The following KAZN variants were observed in gnomAD, a reference collection of about 807,000 sequenced individuals.
KAZN encodes kazrin, periplakin interacting protein.
Under a neutral mutation model 87.4 loss-of-function variants are expected in KAZN, and 40 were observed. The observed-to-expected ratio is 0.46, with a 90% CI of 0.36 to 0.60. KAZN has a LOEUF of 0.60. Among genes scored for constraint, KAZN ranks in the 20% least tolerant of loss-of-function variants. The probability of loss-of-function intolerance (pLI) is 0.00; values close to 1 mark genes in which losing one functional copy is unlikely to be tolerated. For synonymous variants in KAZN, 466 were observed against 458.3 expected (o/e 1.02, Z -0.22); for missense variants, 898 against 1,073.9 (o/e 0.84, Z 2.29).
At chr1:14,580,008 G>C (rs1300587395) in intron 2 of KAZN, among the ~76,000 whole-genome samples, 1 of 152,154 alleles carries the variant, frequency 6.6e-6, no homozygotes, top group Non-Finnish European at 1.5e-5. Flanking sequence ...TTTAATTTCT[G>C]AGTAAGGGAT....
intron 2 of KAZN, among the ~76,000 whole-genome samples, chr1:14,575,096 A>C (rs941591349): frequency 7.2e-5 from 11 of 152,140 alleles, no homozygotes; most frequent in African/African-American, 2.2e-4. Flanking sequence ...TTAATCCTAA[A>C]GATATTAAGG....
intron 2 of KAZN, among the ~76,000 whole-genome samples, chr1:14,277,650 A>G (rs1652483271): frequency 1.3e-5 from 2 of 149,034 alleles, no homozygotes; most frequent in Admixed American, 1.3e-4. Context: ...TGACAGAGCG[A>G]GACTCCCTCT....
chr1:14,634,242 C>T (rs1389076742), intron 1 of KAZN, among the ~76,000 whole-genome samples: 5 of 152,170 alleles, frequency 3.3e-5, no homozygotes, highest in Non-Finnish European at 7.3e-5. Context: ...TATTCCTTCC[C>T]CAAGAACCCT....
intron 2 of KAZN, among the ~76,000 whole-genome samples, chr1:14,313,455 CTTATATGTT>C (rs1331342306): frequency 2.0e-5 from 3 of 152,138 alleles, no homozygotes; most frequent in Non-Finnish European, 4.4e-5. Context: ...ATCCTGTGTA[CTTATATGTT>C]TAACTTTTCC....
chr1:14,895,829 G>A (rs975059118), intron 1 of KAZN, among the ~76,000 whole-genome samples: 1 of 152,176 alleles, frequency 6.6e-6, no homozygotes, highest in Non-Finnish European at 1.5e-5. Context: ...AAGGTGTATA[G>A]TTAGGTCAGT....
chr1:14,661,003 A>T (rs752639180), intron 1 of KAZN, among the ~76,000 whole-genome samples: 36 of 152,264 alleles, frequency 2.4e-4, no homozygotes, highest in Non-Finnish European at 4.6e-4. Flanking sequence ...AACGTCACTG[A>T]TTAAGAGGCC....
intron 1 of KAZN, among the ~76,000 whole-genome samples, chr1:14,020,838 T>G (rs1042693930): frequency 2.6e-5 from 4 of 152,134 alleles, no homozygotes; most frequent in Non-Finnish European, 5.9e-5. Context: ...CTCAAAACAG[T>G]AGGATATTTT....
intron 2 of KAZN, among the ~76,000 whole-genome samples, chr1:14,496,504 A>G (rs1311959169): frequency 6.6e-6 from 1 of 152,202 alleles, no homozygotes; most frequent in Non-Finnish European, 1.5e-5. Flanking sequence ...GCCAGAGAAA[A>G]AAGGTGTTTC....
chr1:14,049,825 G>C (rs1642234913), intron 1 of KAZN, among the ~76,000 whole-genome samples: 1 of 152,184 alleles, frequency 6.6e-6, no homozygotes, highest in East Asian at 1.9e-4. Context: ...TCTCATGATA[G>C]ACAAGAAGCC....
At position 14,467,281 on chromosome 1, in the gene KAZN, C is replaced by T. The variant is rs1185125522; in HGVS notation, c.250-131702C>T. ...AATTAGATTGTTTTAAGTTAAGATGCTAATTGCAATCCCCAGGGCAACCAC... is the reference window on the plus strand; with the variant it reads ...AATTAGATTGTTTTAAGTTAAGATGTTAATTGCAATCCCCAGGGCAACCAC... On this transcript the variant is annotated intron_variant, in intron 2 of 16. Transcript: ENST00000636203. Among the ~76,000 whole-genome samples the T allele has an allele frequency of 3.3e-5, 5 of 150,274 alleles. No individual in the cohort carries two copies. In the East Asian group the frequency reaches 9.7e-4, roughly 29 times the overall value.
chr1:14,546,905 G>A lies in KAZN; in HGVS notation c.250-52078G>A, dbSNP rs114937229. Among the ~76,000 whole-genome samples the A allele has an allele frequency of 8.2e-3, 1,253 of 152,202 alleles. 9 individuals are homozygous for A. The highest frequency in any genetic ancestry group is 0.013 in the Non-Finnish European group (874 of 68,004). On this transcript the variant is annotated intron_variant, in intron 2 of 16. Coordinates refer to the KAZN transcript ENST00000636203. Reference sequence around the variant, plus strand: ...TACTTCCTGAGATTAAACTTTCCTGGATCTGGAGTTCACCTTAAAAAGCAT... The same window carrying A: ...TACTTCCTGAGATTAAACTTTCCTGAATCTGGAGTTCACCTTAAAAAGCAT...
At chr1:14,025,763 G>T (rs558094927) in intron 1 of KAZN, among the ~76,000 whole-genome samples, 1 of 152,178 alleles carries the variant, frequency 6.6e-6, no homozygotes, top group East Asian at 1.9e-4. Flanking sequence ...AATTTAAATA[G>T]CCAATATGGG....
intron 2 of KAZN, among the ~76,000 whole-genome samples, chr1:15,003,069 A>T (rs181684996): frequency 5.3e-5 from 8 of 152,084 alleles, no homozygotes; most frequent in Non-Finnish European, 4.4e-5. Flanking sequence ...CAGGCGACAG[A>T]AGGGCACAGA....
chr1:14,967,676 A>G (rs564051584), intron 2 of KAZN, among the ~76,000 whole-genome samples: 25 of 152,276 alleles, frequency 1.6e-4, no homozygotes, highest in African/African-American at 5.3e-4. Flanking sequence ...AGAGGGATTC[A>G]ATGTGGGGCC....
chr1:14,201,382 A>G (rs1412780899), intron 2 of KAZN, among the ~76,000 whole-genome samples: 1 of 152,174 alleles, frequency 6.6e-6, no homozygotes, highest in East Asian at 1.9e-4. Flanking sequence ...CAGCACTCTA[A>G]TTCCAGAGCA....
chr1:14,930,930 G>A (rs12568821), intron 1 of KAZN, among the ~76,000 whole-genome samples: 14,770 of 152,036 alleles, frequency 0.097, 931 homozygotes, highest in East Asian at 0.27. Context: ...ACCCCAGCCC[G>A]AAGCCAGAGG....
intron 1 of KAZN, among the ~76,000 whole-genome samples, chr1:14,721,748 G>A (rs1461887933): frequency 6.6e-6 from 1 of 152,186 alleles, no homozygotes; most frequent in Non-Finnish European, 1.5e-5. Context: ...GTGCAGCATT[G>A]TTTATTGTAA....
intron 2 of KAZN, among the ~76,000 whole-genome samples, chr1:14,217,292 A>C (rs368635836): frequency 6.6e-6 from 1 of 152,176 alleles, no homozygotes; most frequent in East Asian, 1.9e-4. Context: ...ACTAAGACAT[A>C]GGTATAATCT....
At chr1:14,729,031 ACAGATGGAGAGTGG>A (rs111597412) in intron 1 of KAZN, among the ~76,000 whole-genome samples, 35,160 of 152,024 alleles carry the variant, frequency 0.23, 5,005 homozygotes, top group African/African-American at 0.38. Flanking sequence ...CTCCTGGGTG[ACAGATGGAGAGTGG>A]CCCTGGCGTG....
Sources: allele counts gnomAD v4.1 joint callset (sites outside exome capture counted in the v4.1 genomes callset), GRCh38; gene constraint gnomAD v4.1.1; transcripts MANE v1.5; gene names NCBI Gene and HGNC (gene_info 2026-07-23, HGNC 2026-07-21).